The following SNX3 variants were observed in gnomAD, a reference collection of about 807,000 sequenced individuals.
SNX3 encodes the protein sorting nexin-3.
In SNX3, 5 loss-of-function variants were observed where a neutral mutation model predicts 17.7. The observed-to-expected ratio is 0.28, with a 90% CI of 0.15 to 0.59. The LOEUF (loss-of-function observed/expected upper bound fraction) is 0.59. Among genes scored for constraint, SNX3 ranks in the 20% least tolerant of loss-of-function variants. SNX3 has a pLI of 0.88. For missense variants in SNX3, 132 were observed against 206.8 expected (o/e 0.64, Z 2.22); for synonymous variants, 91 against 76.5 (o/e 1.19, Z -0.99).
chr6:108,232,724 C>T (rs1021474708), intron 1 of SNX3, among the ~76,000 whole-genome samples: 1 of 152,152 alleles, frequency 6.6e-6, no homozygotes, highest in Admixed American at 6.5e-5. Flanking sequence ...TAAATGGATG[C>T]CCCACTACAG....
intron 1 of SNX3, among the ~76,000 whole-genome samples, chr6:108,247,248 T>C (rs1775719100): frequency 6.6e-6 from 1 of 152,186 alleles, no homozygotes; most frequent in African/African-American, 2.4e-5. Context: ...ATTAAACTTC[T>C]TTCCTTTACA....
intron 1 of SNX3, among the ~76,000 whole-genome samples, chr6:108,251,399 A>T (rs1562440228): frequency 1.3e-5 from 2 of 152,336 alleles, no homozygotes; most frequent in Non-Finnish European, 2.9e-5. Context: ...AGCAAAGAAC[A>T]GTGTCTACTC....
chr6:108,223,633 G>A (rs951112396), intron 1 of SNX3, among the ~76,000 whole-genome samples: 6 of 151,068 alleles, frequency 4.0e-5, no homozygotes, highest in Non-Finnish European at 8.8e-5. Context: ...AAGTAGCTGG[G>A]ATTACAGGCA....
At chr6:108,223,094 CA>C in intron 1 of SNX3, 49 bp from the exon 2 acceptor site, 10 of 971,792 alleles carry the variant, frequency 1.0e-5, no homozygotes, top group East Asian at 2.4e-5. Flanking sequence ...AAGGAAACTT[CA>C]AAAAAATGGG....
chr6:108,257,770 C>A (rs538702428), intron 1 of SNX3, among the ~76,000 whole-genome samples: 3 of 152,118 alleles, frequency 2.0e-5, no homozygotes, highest in Admixed American at 6.5e-5. Context: ...CTGAGACCAT[C>A]CTGGTCAACA....
chr6:108,253,134 A>C (rs2114767320), intron 1 of SNX3, among the ~76,000 whole-genome samples: 1 of 152,356 alleles, frequency 6.6e-6, no homozygotes, highest in Admixed American at 6.5e-5. Flanking sequence ...GATAAAGGTG[A>C]GCAGGAGAGG....
chr6:108,225,297 C>A (rs1399255519), intron 1 of SNX3, among the ~76,000 whole-genome samples: 1 of 150,432 alleles, frequency 6.6e-6, no homozygotes, highest in Non-Finnish European at 1.5e-5. Context: ...ACAAAAACAA[C>A]AACAAGAAAA....
chr6:108,260,229 T>C (rs1776147734), intron 1 of SNX3, among the ~76,000 whole-genome samples: 1 of 152,122 alleles, frequency 6.6e-6, no homozygotes, highest in African/African-American at 2.4e-5. Context: ...GGCTCAGCCC[T>C]ATCAAAAATT....
chr6:108,259,768 G>A (rs1482687691), intron 1 of SNX3, among the ~76,000 whole-genome samples: 1 of 152,196 alleles, frequency 6.6e-6, no homozygotes, highest in Non-Finnish European at 1.5e-5. Flanking sequence ...CACAAAGTGT[G>A]TAAGTTAATG....
rs115585243 is a variant in SNX3 at position 108,231,737 on chromosome 6, A to C, written c.163-8692T>G. 3.6e-3 allele frequency among the ~76,000 whole-genome samples: 552 copies of C among 152,358 alleles called. 5 individuals carry two copies. The highest frequency in any genetic ancestry group is 0.013 in the African/African-American group (523 of 41,582). Reference sequence around the variant, plus strand: ...ATTTAGAATTTGCCTAGCTAATTCGAACTTACAGAACTATCAGACCACAAA... The same window carrying C: ...ATTTAGAATTTGCCTAGCTAATTCGCACTTACAGAACTATCAGACCACAAA... On this transcript the variant is annotated intron_variant, in intron 1 of 3. Transcript: ENST00000230085.
At chr6:108,219,616 C>A (rs188568275) in intron 2 of SNX3, among the ~76,000 whole-genome samples, 2 of 152,316 alleles carry the variant, frequency 1.3e-5, no homozygotes, top group Admixed American at 1.3e-4. Flanking sequence ...GTCAATCAAT[C>A]AATCAATCAA....
rs186353536 is a variant in SNX3 at position 108,241,033 on chromosome 6, T to C, written c.163-17988A>G. 1.3e-3 allele frequency among the ~76,000 whole-genome samples: 195 copies of C among 149,166 alleles called. 2 individuals are homozygous for C. Among genetic ancestry groups the C allele is most frequent in the African/African-American group, 4.6e-3 (189 of 40,884 alleles). Reference sequence around the variant, plus strand: ...GGTACATGCCTGTAATCCCAGCTACTTGGGAGTCTGAGACAAGAGAATCAC... The same window carrying C: ...GGTACATGCCTGTAATCCCAGCTACCTGGGAGTCTGAGACAAGAGAATCAC... On this transcript the variant is annotated intron_variant, in intron 1 of 3. Transcript: ENST00000230085.
At chr6:108,242,156 G>A (rs1045482448) in intron 1 of SNX3, among the ~76,000 whole-genome samples, 2 of 152,006 alleles carry the variant, frequency 1.3e-5, no homozygotes, top group Non-Finnish European at 2.9e-5. Context: ...AAAGCAGAAA[G>A]AAAGAAAAAA....
intron 2 of SNX3, 126 bp from the exon 3 acceptor site, chr6:108,214,748 T>C (rs757072466): frequency 6.2e-6 from 6 of 965,418 alleles, no homozygotes; most frequent in Non-Finnish European, 9.0e-6. Flanking sequence ...AGTTGAAATA[T>C]AAAAGAGCAA....
At chr6:108,225,564 G>C (rs1219548941) in intron 1 of SNX3, among the ~76,000 whole-genome samples, 3 of 152,058 alleles carry the variant, frequency 2.0e-5, no homozygotes, top group Non-Finnish European at 4.4e-5. Flanking sequence ...CCGGGAGGTG[G>C]AGGTGGCAGT....
chr6:108,223,972 C>T (rs559822929), intron 1 of SNX3, among the ~76,000 whole-genome samples: 1 of 152,246 alleles, frequency 6.6e-6, no homozygotes, highest in East Asian at 1.9e-4. Context: ...AAGGCTAGCT[C>T]TTGACTATTC....
At chr6:108,260,497 C>T (rs1280784473) in intron 1 of SNX3, among the ~76,000 whole-genome samples, 1 of 152,240 alleles carries the variant, frequency 6.6e-6, no homozygotes, top group African/African-American at 2.4e-5. Context: ...CCCTGATCAG[C>T]TGCTGGAGGG....
chr6:108,247,428 C>T (rs1775724730), intron 1 of SNX3, among the ~76,000 whole-genome samples: 1 of 151,936 alleles, frequency 6.6e-6, no homozygotes, highest in African/African-American at 2.4e-5. Flanking sequence ...AGTGCAGTGG[C>T]ACGACCACGG....
At chr6:108,226,415 G>A (rs957852643) in intron 1 of SNX3, among the ~76,000 whole-genome samples, 12 of 152,148 alleles carry the variant, frequency 7.9e-5, no homozygotes, top group African/African-American at 2.7e-4. Flanking sequence ...AAGTTTGTAG[G>A]AGACAGAAAT....
Sources: allele counts gnomAD v4.1 joint callset (sites outside exome capture counted in the v4.1 genomes callset), GRCh38; gene constraint gnomAD v4.1.1; transcripts MANE v1.5; gene names NCBI Gene and HGNC (gene_info 2026-07-23, HGNC 2026-07-21).